The following TGFBR1 variants were observed in gnomAD, a reference collection of about 807,000 sequenced individuals.
TGFBR1 encodes the protein TGF-beta receptor type-1.
TGFBR1 carries 20 observed loss-of-function variants against 55.1 expected under a neutral mutation model. That is an observed-to-expected ratio of 0.36 (90% CI 0.26 to 0.53). TGFBR1 has a LOEUF of 0.53. Ranked by LOEUF, TGFBR1 falls within the 20% of genes least tolerant of loss-of-function variation. The probability of loss-of-function intolerance (pLI) is 0.91; values close to 1 mark genes in which losing one functional copy is unlikely to be tolerated. For missense variants in TGFBR1, 385 were observed against 617.6 expected (o/e 0.62, Z 3.99); for synonymous variants, 220 against 214.8 (o/e 1.02, Z -0.21).
At chr9:99,146,356 T>C in intron 6 of TGFBR1, 129 bp from the exon 7 acceptor site, 1 of 1,114,570 alleles carries the variant, frequency 9.0e-7, no homozygotes, top group East Asian at 2.4e-5. Flanking sequence ...ATATTTTTCT[T>C]GAGTCTAATA....
At chr9:99,144,957 C>T in intron 6 of TGFBR1, 69 bp downstream of exon 6, 1 of 1,535,228 alleles carries the variant, frequency 6.5e-7, no homozygotes, top group Non-Finnish European at 8.9e-7. Flanking sequence ...TTCATATATA[C>T]ATATCATTGC....
chr9:99,123,789 T>C (rs10512263), intron 1 of TGFBR1, among the ~76,000 whole-genome samples: 10,347 of 152,246 alleles, frequency 0.068, 471 homozygotes, highest in East Asian at 0.24. Flanking sequence ...TCACTACTTT[T>C]GGGAAGAAGT....
intron 6 of TGFBR1, among the ~76,000 whole-genome samples, chr9:99,145,176 A>G (rs1030333488): frequency 6.6e-6 from 1 of 152,218 alleles, no homozygotes; most frequent in Non-Finnish European, 1.5e-5. Context: ...CAATCGTCTA[A>G]TAGGTCTTTT....
At position 99,151,048 on chromosome 9, in the gene TGFBR1, A is replaced by G. The variant is rs1453007004; in HGVS notation, c.*1743A>G. On this transcript the variant is annotated 3_prime_UTR_variant, in exon 9 of 9. Coordinates refer to ENST00000374994, the MANE Select transcript of TGFBR1 (RefSeq NM_004612.4). ...CATACAGTATTTTGGTCAGGAAGAG[A>G]AAGTGGCCATTTACACTGAATGAGT... The G allele has an allele frequency of 4.4e-6, 1 of 228,410 alleles. No homozygotes were observed. The highest frequency in any genetic ancestry group is 1.8e-4 in the South Asian group (1 of 5,482). 14.1% of individuals were successfully genotyped at this position (228,410 alleles called of 1,614,324 possible).
rs894580189 is a variant in TGFBR1 at position 99,142,579 on chromosome 9, T to C, written c.849T>C (p.His283=). 6.2e-7 allele frequency: 1 copy of C among 1,614,122 alleles called. No homozygotes were observed. The highest frequency in any genetic ancestry group is 8.5e-7 in the Non-Finnish European group (1 of 1,179,954). ...WTQLWLVSDY[H]EHGSLFDYLN... ...AGCTCTGGTTGGTGTCAGATTATCA[T>C]GAGCATGGATCCCTTTTTGATTACT... Residue 283 remains histidine (H), a synonymous_variant, in exon 5 of 9, where the codon CAT becomes CAC. Coordinates refer to ENST00000374994, the MANE Select transcript of TGFBR1 (RefSeq NM_004612.4).
At chr9:99,147,369 A>G (rs181014563) in intron 7 of TGFBR1, among the ~76,000 whole-genome samples, 1 of 152,278 alleles carries the variant, frequency 6.6e-6, no homozygotes, top group East Asian at 1.9e-4. Flanking sequence ...ATAGGGTTCT[A>G]GGGGAAAATG....
Position 99,149,216 on chromosome 9 carries a change from T to C in TGFBR1, c.1423T>C (p.Trp475Arg). The C allele has an allele frequency of 6.2e-7, 1 of 1,613,640 alleles. No individual in the cohort carries two copies. Among genetic ancestry groups the C allele is most frequent in the Non-Finnish European group, 8.5e-7 (1 of 1,179,736 alleles). ...RVMAKIMREC[W>R]YANGAARLTA... is the part of the protein sequence containing the mutation. ...AATGGCTAAAATTATGAGAGAATGTTGGTATGCCAATGGAGCAGCTAGGCT... is the reference window on the plus strand; with the variant it reads ...AATGGCTAAAATTATGAGAGAATGTCGGTATGCCAATGGAGCAGCTAGGCT... The change falls in exon 9 of 9, where the codon TGG (tryptophan) becomes CGG (arginine). Residue 475 changes from tryptophan (W) to arginine (R), a missense_variant. Around this residue, in one of 5 missense-constraint regions of TGFBR1, gnomAD observed 110 missense variants for 154.6 expected, o/e 0.71. Coordinates refer to ENST00000374994, the MANE Select transcript of TGFBR1 (RefSeq NM_004612.4).
chr9:99,106,462 G>T (rs1318731349), intron 1 of TGFBR1, among the ~76,000 whole-genome samples: 3 of 150,890 alleles, frequency 2.0e-5, no homozygotes, highest in African/African-American at 7.3e-5. Context: ...GACTGACGGT[G>T]ACGATTATAA....
At chr9:99,111,085 TC>T (rs1160226104) in intron 1 of TGFBR1, among the ~76,000 whole-genome samples, 1 of 152,194 alleles carries the variant, frequency 6.6e-6, no homozygotes, top group African/African-American at 2.4e-5. Context: ...TAACAGTCTT[TC>T]TTTAACATTA....
At chr9:99,111,295 CTTTTTTTTTTTT>C (rs3034196) in intron 1 of TGFBR1, among the ~76,000 whole-genome samples, 28 of 55,152 alleles carry the variant, frequency 5.1e-4, no homozygotes, top group South Asian at 1.3e-3. Context: ...TGCACCCATG[CTTTTTTTTTTTT>C]TTTTTTTTTT....
At chr9:99,105,643 G>A (rs1826390267) in intron 1 of TGFBR1, among the ~76,000 whole-genome samples, 1 of 151,990 alleles carries the variant, frequency 6.6e-6, no homozygotes, top group African/African-American at 2.4e-5. Context: ...GGCCAGGGGC[G>A]GAGAGTGCGA....
At chr9:99,111,987 G>A (rs1321414137) in intron 1 of TGFBR1, among the ~76,000 whole-genome samples, 1 of 152,160 alleles carries the variant, frequency 6.6e-6, no homozygotes, top group Non-Finnish European at 1.5e-5. Context: ...GTGGTGGAAA[G>A]GAGGCACTTC....
chr9:99,103,737 C>T (rs746688919), upstream of TGFBR1, among the ~76,000 whole-genome samples: 7 of 152,140 alleles, frequency 4.6e-5, no homozygotes, highest in Non-Finnish European at 1.0e-4. Flanking sequence ...AGCTGACTTG[C>T]TTAAGTAAGT....
At chr9:99,114,448 T>C (rs1020245610) in intron 1 of TGFBR1, among the ~76,000 whole-genome samples, 15 of 152,178 alleles carry the variant, frequency 9.9e-5, no homozygotes, top group Non-Finnish European at 5.9e-5. Flanking sequence ...AATGCCAAGA[T>C]TGTCATACAG....
chr9:99,112,064 A>G (rs889366142), intron 1 of TGFBR1, among the ~76,000 whole-genome samples: 5 of 152,166 alleles, frequency 3.3e-5, no homozygotes, highest in Non-Finnish European at 5.9e-5. Context: ...AAGAGGAGAA[A>G]TGGAAGTTCA....
Position 99,135,681 on chromosome 9 carries a change from A to G in TGFBR1, c.575-2178A>G, listed in dbSNP as rs547706718. ...TGCAGCTTATGAGCTCTTGTAATAT[A>G]TGCATGTTGTTCGGGTCTTATTTCC... On this transcript the variant is annotated intron_variant, in intron 3 of 8. Transcript: ENST00000374994. 2.4e-4 allele frequency among the ~76,000 whole-genome samples: 36 copies of G among 152,186 alleles called. No individual in the cohort carries two copies. In the South Asian group the frequency reaches 7.5e-3, roughly 32 times the overall value.
chr9:99,122,372 G>A (rs1334757971), intron 1 of TGFBR1, among the ~76,000 whole-genome samples: 3 of 151,934 alleles, frequency 2.0e-5, no homozygotes, highest in African/African-American at 7.3e-5. Context: ...TTTCTAGCAA[G>A]ACATATGGGC....
At chr9:99,142,132 C>G (rs1192328089) in intron 4 of TGFBR1, among the ~76,000 whole-genome samples, 1 of 152,168 alleles carries the variant, frequency 6.6e-6, no homozygotes, top group Non-Finnish European at 1.5e-5. Context: ...CTTCTCACCT[C>G]CTTGCTTCCC....
Position 99,128,948 on chromosome 9 carries a change from A to G in TGFBR1, c.191A>G (p.Lys64Arg), listed in dbSNP as rs886042300. ...GTCTCTGTCACAGAGACCACAGACA[A>G]AGTTATACACAACAGCATGTGTATA... Reference protein sequence around the residue: ...CFVSVTETTDKVIHNSMCIAE... With the variant: ...CFVSVTETTDRVIHNSMCIAE... Residue 64 changes from lysine (K) to arginine (R), a missense_variant, in exon 2 of 9, where the codon AAA (lysine) becomes AGA (arginine). Lys to Arg is a conservative substitution (Grantham distance 26, BLOSUM62 2). This residue lies in a region of TGFBR1 where 146 missense variants were observed against 167.7 expected (regional missense o/e 0.87). Transcript: ENST00000374994. 1.5e-5 allele frequency: 25 copies of G among 1,613,982 alleles called. No homozygotes were observed. The highest frequency in any genetic ancestry group is 2.0e-5 in the Non-Finnish European group (24 of 1,179,954).
Sources: gnomAD v4.1 joint callset for allele counts (sites outside exome capture counted in the v4.1 genomes callset) on GRCh38, gnomAD v4.1.1 for gene constraint, gnomAD v4.1.1 regional missense constraint, MANE v1.5 for transcripts, NCBI Gene and HGNC (gene_info 2026-07-23, HGNC 2026-07-21) for gene names.